KANSL1: variants seen among roughly 807,000 people sequenced by gnomAD.
The protein encoded by KANSL1 is KAT8 regulatory NSL complex subunit 1.
A neutral mutation model predicts 103.6 loss-of-function variants in KANSL1; 22 were observed. The ratio of observed to expected loss-of-function variants is 0.21; its 90% CI spans 0.15 to 0.30. The LOEUF is 0.30. Ranked by LOEUF, KANSL1 falls within the 10% of genes least tolerant of loss-of-function variation. The pLI is 1.00. For synonymous variants in KANSL1, 600 were observed against 527.6 expected, an observed-to-expected ratio of 1.14 and a Z score of -1.88; for missense variants, 1,337 against 1,399.8, an observed-to-expected ratio of 0.96 and a Z score of 0.72.
chr17:46,125,691 C>T (rs1229615976), intron 2 of KANSL1, among the ~76,000 whole-genome samples: 1 of 152,202 alleles, frequency 6.6e-6, no homozygotes, highest in Non-Finnish European at 1.5e-5. Flanking sequence ...AATAAGGACT[C>T]CTTGCTCATT....
chr17:46,034,271 C>T lies in KANSL1; in HGVS notation c.2556G>A (p.Arg852=). 3 of 1,613,814 alleles carry T rather than the reference C, an allele frequency of 1.9e-6. No homozygotes were observed. Among genetic ancestry groups the T allele is most frequent in the Non-Finnish European group, 2.5e-6 (3 of 1,179,918 alleles). ...VTASTSQQPV[R]RRRGESSFDI... ...CAAATGAGCTCTCTCCCCTTCTCCT[C>T]CTTACTGGCTGCTGCTGTAAGATAA... is the stretch of plus-strand genomic sequence containing the variant. The change falls in exon 11 of 15, where the codon AGG becomes AGA. Residue 852 remains arginine, a synonymous_variant. Coordinates refer to ENST00000432791, the MANE Select transcript of KANSL1 (RefSeq NM_015443.4).
chr17:46,111,508 C>T (rs1307128455), intron 2 of KANSL1, among the ~76,000 whole-genome samples: 2 of 152,164 alleles, frequency 1.3e-5, no homozygotes, highest in Non-Finnish European at 2.9e-5. Flanking sequence ...CCGTGCCCAA[C>T]CGAAAGAGAA....
chr17:46,185,223 T>C (rs538905108), intron 1 of KANSL1, among the ~76,000 whole-genome samples: 4 of 152,340 alleles, frequency 2.6e-5, no homozygotes, highest in African/African-American at 7.2e-5. Flanking sequence ...CAACACACGT[T>C]AAGCAACCTG....
chr17:46,160,538 C>T (rs1447143721), intron 2 of KANSL1, among the ~76,000 whole-genome samples: 2 of 152,166 alleles, frequency 1.3e-5, no homozygotes, highest in Non-Finnish European at 2.9e-5. Flanking sequence ...AAGAGATCTG[C>T]CCGCCTTGGC....
intron 1 of KANSL1, chr17:46,223,502 G>A (rs537225691): frequency 6.8e-6 from 1 of 147,192 alleles, no homozygotes; most frequent in African/African-American, 2.4e-5. Context: ...AAGAACAGTA[G>A]AGATACAAAG....
intron 2 of KANSL1, among the ~76,000 whole-genome samples, chr17:46,103,881 G>A (rs554756786): frequency 6.6e-6 from 1 of 152,236 alleles, no homozygotes; most frequent in South Asian, 2.1e-4. Flanking sequence ...CAAAAAAATT[G>A]GCCAGGCGTG....
intron 2 of KANSL1, among the ~76,000 whole-genome samples, chr17:46,150,126 T>C (rs935969163): frequency 6.6e-6 from 1 of 151,616 alleles, no homozygotes; most frequent in African/African-American, 2.4e-5. Flanking sequence ...GCTTCCTCCA[T>C]GAGTATAATC....
chr17:46,063,896 G>GT (rs748269019), intron 6 of KANSL1, among the ~76,000 whole-genome samples: 1,732 of 132,818 alleles, frequency 0.013, 26 homozygotes, highest in Middle Eastern at 0.067. Context: ...TGAGGTGGCG[G>GT]TTTTTTTTTT....
intron 1 of KANSL1, among the ~76,000 whole-genome samples, chr17:46,189,031 C>CAAAATAAAAAA (rs2047171500): frequency 1.6e-5 from 1 of 62,414 alleles, no homozygotes; most frequent in Admixed American, 1.7e-4. Context: ...AAGATTGTCT[C>CAAAATAAAAAA]AAAAAAAAAA....
intron 2 of KANSL1, among the ~76,000 whole-genome samples, chr17:46,111,031 T>G (rs1212514104): frequency 1.3e-5 from 2 of 152,264 alleles, no homozygotes; most frequent in Non-Finnish European, 2.9e-5. Context: ...TATTCCTGGT[T>G]GTGATAACTA....
chr17:46,155,065 A>G (rs1191265165), intron 2 of KANSL1, among the ~76,000 whole-genome samples: 3 of 152,076 alleles, frequency 2.0e-5, no homozygotes, highest in Non-Finnish European at 4.4e-5. Context: ...ACTAAAAGGC[A>G]TTCCTGGCAT....
rs926177292 is a variant in KANSL1 at position 46,172,203 on chromosome 17, C to T, written c.-60G>A. ...GATGCCGAGGCCGAGGCCAGCTCCA[C>T]GGCCCCTTACTGCCTCCCCAGAGAA... On this transcript the variant is annotated 5_prime_UTR_variant, in exon 2 of 15. The change creates a new upstream start codon in the 5' untranslated region. Coordinates refer to ENST00000432791, the MANE Select transcript of KANSL1 (RefSeq NM_015443.4). The T allele has an allele frequency of 2.7e-5, 40 of 1,487,144 alleles. No homozygotes were observed. In the South Asian group the frequency reaches 4.7e-4, roughly 17 times the overall value. The allele number at this position is 1,487,144 out of a possible 1,614,324, so 92.1% of individuals were successfully genotyped here.
intron 2 of KANSL1, among the ~76,000 whole-genome samples, chr17:46,135,542 A>ATTT (rs34258265): frequency 1.7e-5 from 2 of 119,074 alleles, no homozygotes; most frequent in Non-Finnish European, 3.4e-5. Context: ...TCAACTATAC[A>ATTT]TTTTTTTTTT....
intron 2 of KANSL1, among the ~76,000 whole-genome samples, chr17:46,112,705 C>CA (rs2042872683): frequency 6.9e-6 from 1 of 143,932 alleles, no homozygotes; most frequent in Non-Finnish European, 1.6e-5. Context: ...CAAAACAAAA[C>CA]AAAAAACTGG....
Position 46,073,639 on chromosome 17 carries a change from T to A in KANSL1, c.1534-5972A>T, listed in dbSNP as rs58810165. ...CCCATACAAAAATAAAAATTAACAA[T>A]GCGGGGTGGGGAAAACAGGGAAGGC... On this transcript the variant is annotated intron_variant, in intron 4 of 14. Transcript: ENST00000432791. Among the ~76,000 whole-genome samples the A allele has an allele frequency of 4.2e-3, 631 of 151,720 alleles. 16 individuals carry two copies. The East Asian group carries it at 0.081, about 19-fold the overall frequency.
At chr17:46,189,031 CAAAAAAAAA>C (rs57566816) in intron 1 of KANSL1, among the ~76,000 whole-genome samples, 53 of 62,358 alleles carry the variant, frequency 8.5e-4, no homozygotes, top group African/African-American at 2.6e-3. Context: ...AAGATTGTCT[CAAAAAAAAA>C]AAAAAAAAAA....
At chr17:46,113,558 C>T (rs1221662756) in intron 2 of KANSL1, among the ~76,000 whole-genome samples, 2 of 152,036 alleles carry the variant, frequency 1.3e-5, no homozygotes, top group East Asian at 1.9e-4. Context: ...AACTGTTTAT[C>T]GCACGGTAGA....
chr17:46,171,050 T>A lies in KANSL1; in HGVS notation c.1094A>T (p.Glu365Val). ...RKAASETTTS[E>V]GLSNFLKSNS... ...GCTTTTCAGAAAGTTGCTAAGTCCC[T>A]CTGAAGTGGTGGTCTCACTGGCAGC... The change falls in exon 2 of 15, where the codon GAG becomes GTG. Residue 365 changes from glutamate (E) to valine (V), a missense_variant. By Grantham distance (121) the Glu-to-Val change is moderately radical. Coordinates refer to ENST00000432791, the MANE Select transcript of KANSL1 (RefSeq NM_015443.4). 1 of 1,614,214 alleles carries A rather than the reference T, an allele frequency of 6.2e-7. No homozygotes were observed. Among genetic ancestry groups the A allele is most frequent in the Non-Finnish European group, 8.5e-7 (1 of 1,180,052 alleles).
intron 2 of KANSL1, among the ~76,000 whole-genome samples, chr17:46,130,112 G>A (rs1220857979): frequency 6.9e-6 from 1 of 144,054 alleles, no homozygotes; most frequent in Non-Finnish European, 1.5e-5. Flanking sequence ...CTTGTGCCCA[G>A]AAAGGTAGAG....
Sources: gnomAD v4.1 joint callset for allele counts (sites outside exome capture counted in the v4.1 genomes callset) on GRCh38, gnomAD v4.1.1 for gene constraint, MANE v1.5 for transcripts, NCBI Gene and HGNC (gene_info 2026-07-23, HGNC 2026-07-21) for gene names.